LINGO2: variants seen among roughly 807,000 people sequenced by gnomAD.
LINGO2 encodes the protein leucine rich repeat and Ig domain containing 2.
In LINGO2, 14 loss-of-function variants were observed where a neutral mutation model predicts 30.6. The ratio of observed to expected loss-of-function variants is 0.46; its 90% CI spans 0.30 to 0.72. The LOEUF (loss-of-function observed/expected upper bound fraction) is 0.72, where lower values mean the gene tolerates loss of function less well. LINGO2 is among the 30% of genes least tolerant of loss of function. The pLI, the probability that LINGO2 is intolerant of heterozygous loss-of-function variation, is 0.07. For missense variants in LINGO2, 729 were observed against 751.7 expected, an observed-to-expected ratio of 0.97 and a Z score of 0.35; for synonymous variants, 317 against 288.5, an observed-to-expected ratio of 1.10 and a Z score of -1.00.
At chr9:28,613,341 T>C (rs998496069) in intron 1 of LINGO2, among the ~76,000 whole-genome samples, 2 of 151,986 alleles carry the variant, frequency 1.3e-5, no homozygotes, top group Admixed American at 1.3e-4. Flanking sequence ...ATGTATTTTC[T>C]AAATGTATCT....
the LINGO2 span, among the ~76,000 whole-genome samples, chr9:28,818,533 C>G: frequency 6.4e-4 from 97 of 152,032 alleles, no homozygotes; most frequent in African/African-American, 2.2e-3. Context: ...TTACAGATGC[C>G]CGCAACCACA....
At chr9:29,112,700 C>T in the LINGO2 span, among the ~76,000 whole-genome samples, 1 of 152,136 alleles carries the variant, frequency 6.6e-6, no homozygotes, top group Non-Finnish European at 1.5e-5. Flanking sequence ...ATTAATAATC[C>T]CCATCTCCAC....
the LINGO2 span, among the ~76,000 whole-genome samples, chr9:29,015,398 A>C: frequency 6.6e-6 from 1 of 152,314 alleles, no homozygotes; most frequent in Non-Finnish European, 1.5e-5. Flanking sequence ...GAGTCAGCAC[A>C]CTTTTTCTAT....
chr9:28,505,852 G>A (rs1820088648), intron 1 of LINGO2, among the ~76,000 whole-genome samples: 1 of 151,790 alleles, frequency 6.6e-6, no homozygotes, highest in Middle Eastern at 3.2e-3. Flanking sequence ...GGGAGTGGGA[G>A]TCATGTGTTG....
chr9:28,384,758 T>C (rs1821508593), intron 2 of LINGO2, among the ~76,000 whole-genome samples: 1 of 152,098 alleles, frequency 6.6e-6, no homozygotes, highest in Non-Finnish European at 1.5e-5. Flanking sequence ...AACAATTTTC[T>C]CATCTAGATA....
the LINGO2 span, among the ~76,000 whole-genome samples, chr9:29,196,019 T>C: frequency 1.3e-5 from 2 of 152,132 alleles, no homozygotes; most frequent in African/African-American, 4.8e-5. Context: ...CCAGTTTAGA[T>C]GAAAATATTC....
chr9:28,481,721 C>T (rs941668092), intron 1 of LINGO2, among the ~76,000 whole-genome samples: 2 of 152,010 alleles, frequency 1.3e-5, no homozygotes, highest in African/African-American at 4.8e-5. Flanking sequence ...GCGCTGCACC[C>T]ACTAACTCAT....
the LINGO2 span, among the ~76,000 whole-genome samples, chr9:28,802,337 A>G: frequency 6.6e-6 from 1 of 152,018 alleles, no homozygotes; most frequent in African/African-American, 2.4e-5. Flanking sequence ...AAAGTTAGGG[A>G]TAGATTTTTG....
chr9:28,772,129 A>G, the LINGO2 span, among the ~76,000 whole-genome samples: 26 of 152,316 alleles, frequency 1.7e-4, no homozygotes, highest in South Asian at 4.6e-3. Flanking sequence ...TGCCTTACAT[A>G]ACAAATATGG....
At chr9:28,485,445 A>G (rs1197567362) in intron 1 of LINGO2, among the ~76,000 whole-genome samples, 2 of 152,128 alleles carry the variant, frequency 1.3e-5, no homozygotes, top group Non-Finnish European at 2.9e-5. Context: ...TTTAAAGTGT[A>G]AAAGTATGAG....
chr9:29,000,107 C>A, the LINGO2 span, among the ~76,000 whole-genome samples: 6 of 151,888 alleles, frequency 4.0e-5, no homozygotes, highest in Admixed American at 3.9e-4. Flanking sequence ...AGTACTTGTT[C>A]TTTTTCCACA....
chr9:28,449,346 C>T (rs1036937152), intron 2 of LINGO2, among the ~76,000 whole-genome samples: 8 of 151,948 alleles, frequency 5.3e-5, no homozygotes, highest in Non-Finnish European at 1.2e-4. Flanking sequence ...TATCCACAAA[C>T]AGTTTGTTTT....
At chr9:28,506,921 T>G (rs1398902235) in intron 1 of LINGO2, among the ~76,000 whole-genome samples, 2 of 152,028 alleles carry the variant, frequency 1.3e-5, no homozygotes, top group Non-Finnish European at 2.9e-5. Flanking sequence ...TCATTAAATT[T>G]TATTTATTTT....
chr9:29,211,892 G>A, the LINGO2 span, among the ~76,000 whole-genome samples: 68 of 152,224 alleles, frequency 4.5e-4, no homozygotes, highest in African/African-American at 1.5e-3. Context: ...AATATTCAAG[G>A]GAGGCGGGGG....
chr9:28,166,943 G>A (rs773981023), intron 4 of LINGO2, among the ~76,000 whole-genome samples: 1 of 152,042 alleles, frequency 6.6e-6, no homozygotes, highest in African/African-American at 2.4e-5. Flanking sequence ...CAGTCAATGA[G>A]AACTCTCATC....
the LINGO2 span, among the ~76,000 whole-genome samples, chr9:29,206,575 T>C: frequency 2.0e-5 from 3 of 152,204 alleles, no homozygotes; most frequent in African/African-American, 7.2e-5. Context: ...CCTGCATGAA[T>C]CTTTTTCAGA....
the LINGO2 span, among the ~76,000 whole-genome samples, chr9:28,827,985 T>G: frequency 6.6e-6 from 1 of 152,170 alleles, no homozygotes; most frequent in African/African-American, 2.4e-5. Context: ...ATGTTATATG[T>G]AGACAATATC....
At chr9:29,148,661 C>T in the LINGO2 span, among the ~76,000 whole-genome samples, 3 of 152,114 alleles carry the variant, frequency 2.0e-5, no homozygotes, top group Non-Finnish European at 2.9e-5. Context: ...AGCATAGAAA[C>T]ATATTTAATC....
chr9:28,672,783 A>G (rs73644098), upstream of LINGO2, among the ~76,000 whole-genome samples: 3,832 of 152,218 alleles, frequency 0.025, 164 homozygotes, highest in African/African-American at 0.085. Flanking sequence ...TCTTTTGTTT[A>G]TGATCATATT....
Sources: gnomAD v4.1 joint callset for allele counts (sites outside exome capture counted in the v4.1 genomes callset) on GRCh38, gnomAD v4.1.1 for gene constraint, MANE v1.5 for transcripts, NCBI Gene and HGNC (gene_info 2026-07-23, HGNC 2026-07-21) for gene names.